Variants in TCERG1L observed in about 807,000 individuals in gnomAD.
The protein encoded by TCERG1L is transcription elongation regulator 1-like protein.
In TCERG1L, 37 loss-of-function variants were observed where a neutral mutation model predicts 56.3. The observed-to-expected ratio is 0.66, with a 90% CI of 0.51 to 0.87. TCERG1L has a LOEUF of 0.87. TCERG1L is among the 40% of genes least tolerant of loss of function. The pLI is 0.00. For missense variants in TCERG1L, 799 were observed against 774.2 expected (o/e 1.03, Z -0.38); for synonymous variants, 324 against 326.3 (o/e 0.99, Z 0.08).
intron 3 of TCERG1L, among the ~76,000 whole-genome samples, chr10:131,306,573 A>C (rs987664250): frequency 1.3e-5 from 2 of 152,146 alleles, no homozygotes; most frequent in African/African-American, 2.4e-5. Context: ...CCCATTCTCC[A>C]TGATGTGCTT....
At chr10:131,187,088 A>G (rs369061071) in intron 4 of TCERG1L, among the ~76,000 whole-genome samples, 6 of 152,274 alleles carry the variant, frequency 3.9e-5, no homozygotes, top group African/African-American at 1.4e-4. Context: ...CTGTACAACA[A>G]GGCAAGTCTG....
intron 6 of TCERG1L, among the ~76,000 whole-genome samples, chr10:131,153,370 C>T (rs1845884960): frequency 6.6e-6 from 1 of 152,124 alleles, no homozygotes; most frequent in South Asian, 2.1e-4. Context: ...TTCCCTTGCT[C>T]CTCTGCTGGG....
intron 4 of TCERG1L, among the ~76,000 whole-genome samples, chr10:131,218,866 C>A (rs1269074192): frequency 1.3e-5 from 2 of 152,146 alleles, no homozygotes; most frequent in African/African-American, 4.8e-5. Flanking sequence ...TCTGCGGAGG[C>A]CAGCCGTGCC....
At chr10:131,189,755 G>A (rs1378266323) in intron 4 of TCERG1L, among the ~76,000 whole-genome samples, 1 of 152,120 alleles carries the variant, frequency 6.6e-6, no homozygotes, top group Non-Finnish European at 1.5e-5. Flanking sequence ...AAATCTCCAT[G>A]CTGATTTTCA....
Position 131,260,272 on chromosome 10 carries a change from C to A in TCERG1L, c.843G>T (p.Thr281=). ...TLAPIKIPLR[T]SPVSDTRTER... is the part of the protein sequence containing the mutation. ...CTCCGAGCCTACCTGAGACGGGGGA[C>A]GTCCGGAGGGGTATTTTGATGGGTG... Residue 281 remains threonine, a synonymous_variant, in exon 4 of 12, where the codon ACG becomes ACT. Transcript: ENST00000368642. This position sits in a 1 kb window ranked among gnomAD's most constrained non-coding sequence, Gnocchi z 5.8. The A allele has an allele frequency of 1.5e-6, 2 of 1,368,652 alleles. No homozygotes were observed. The highest frequency in any genetic ancestry group is 1.9e-6 in the Non-Finnish European group (2 of 1,054,702). The allele number at this position is 1,368,652 out of a possible 1,614,324, so 84.8% of individuals were successfully genotyped here.
intron 4 of TCERG1L, among the ~76,000 whole-genome samples, chr10:131,188,553 C>G (rs1845270987): frequency 6.6e-6 from 1 of 152,186 alleles, no homozygotes; most frequent in Admixed American, 6.5e-5. Flanking sequence ...ATTTCCATTA[C>G]TCCTACATTC....
At chr10:131,108,959 C>T (rs573226145) in intron 9 of TCERG1L, among the ~76,000 whole-genome samples, 1 of 152,324 alleles carries the variant, frequency 6.6e-6, no homozygotes, top group South Asian at 2.1e-4. Flanking sequence ...AGAGAATCTC[C>T]CCCTGGCTAA....
chr10:131,231,587 C>T (rs1170605355), intron 4 of TCERG1L, among the ~76,000 whole-genome samples: 1 of 152,056 alleles, frequency 6.6e-6, no homozygotes, highest in Admixed American at 6.5e-5. Flanking sequence ...CAGAGGGGTT[C>T]GGAGCAGGGA....
At chr10:131,215,098 G>A (rs992828979) in intron 4 of TCERG1L, among the ~76,000 whole-genome samples, 8 of 152,152 alleles carry the variant, frequency 5.3e-5, no homozygotes, top group Admixed American at 3.3e-4. Context: ...TCGCTGTGAC[G>A]CACTCATACT....
chr10:131,158,791 G>C (rs913491579), intron 6 of TCERG1L, among the ~76,000 whole-genome samples: 2 of 152,242 alleles, frequency 1.3e-5, no homozygotes, highest in Non-Finnish European at 2.9e-5. Context: ...CCATCGCAGA[G>C]AGGATGCACC....
chr10:131,241,581 T>G (rs925700565), intron 4 of TCERG1L, among the ~76,000 whole-genome samples: 14 of 146,250 alleles, frequency 9.6e-5, no homozygotes, highest in African/African-American at 3.3e-4. Context: ...ATGAACACAG[T>G]GGATAGCGCA....
At chr10:131,298,228 G>A (rs1194915410) in intron 3 of TCERG1L, among the ~76,000 whole-genome samples, 1 of 149,132 alleles carries the variant, frequency 6.7e-6, no homozygotes, top group Non-Finnish European at 1.5e-5. Context: ...TTGTGATATT[G>A]ATTTTGATTT....
In TCERG1L at chr10:131,093,041, C is replaced by G. The variant is rs45583631; in HGVS notation, c.*121G>C. 7 of 977,876 alleles carry G rather than the reference C, an allele frequency of 7.2e-6. No individual in the cohort carries two copies. The highest frequency in any genetic ancestry group is 1.6e-5 in the African/African-American group (1 of 61,314). The allele number at this position is 977,876 out of a possible 1,614,324, so 60.6% of individuals were successfully genotyped here. On this transcript the variant is annotated 3_prime_UTR_variant, in exon 12 of 12. Coordinates refer to ENST00000368642, the MANE Select transcript of TCERG1L (RefSeq NM_174937.4). ...TCTGAGAACGAAGACCCCGCAGTGC[C>G]GGTGCCCGCTGGGCCGTGCAGGTCT...
At chr10:131,134,104 G>A (rs1845648961) in intron 8 of TCERG1L, among the ~76,000 whole-genome samples, 2 of 152,116 alleles carry the variant, frequency 1.3e-5, no homozygotes, top group Admixed American at 6.5e-5. Context: ...ACAGGACTCT[G>A]GAAACACAGC....
intron 3 of TCERG1L, among the ~76,000 whole-genome samples, chr10:131,296,048 C>T (rs1846686341): frequency 6.6e-6 from 1 of 151,850 alleles, no homozygotes; most frequent in Non-Finnish European, 1.5e-5. Flanking sequence ...CCACTGTGTG[C>T]CTTTTCTTTT....
At chr10:131,301,657 T>TA (rs200862117) in intron 3 of TCERG1L, among the ~76,000 whole-genome samples, 21 of 150,370 alleles carry the variant, frequency 1.4e-4, no homozygotes, top group South Asian at 6.3e-4. Flanking sequence ...GTCTGCTTTT[T>TA]AAAAAAAAAA....
chr10:131,241,169 C>T (rs1845967197), intron 4 of TCERG1L, among the ~76,000 whole-genome samples: 1 of 150,220 alleles, frequency 6.7e-6, no homozygotes, highest in South Asian at 2.1e-4. Context: ...GAGGAGCCGC[C>T]CGCACGCAGA....
At chr10:131,101,193 C>A (rs1845301102) in intron 10 of TCERG1L, among the ~76,000 whole-genome samples, 1 of 152,236 alleles carries the variant, frequency 6.6e-6, no homozygotes, top group Non-Finnish European at 1.5e-5. Context: ...GAAGGTCCAG[C>A]CTCACAGTGC....
At position 131,093,104 on chromosome 10, in the gene TCERG1L, C is replaced by T. The variant is rs1207304433; in HGVS notation, c.*58G>A. On this transcript the variant is annotated 3_prime_UTR_variant, in exon 12 of 12. Transcript: ENST00000368642. ...GCCCGTGTCCGTCTCCACCGTGACC[C>T]CCTCGCCCCCGGCACGCCCAGGGTC... 3.2e-5 allele frequency: 50 copies of T among 1,581,072 alleles called. 1 individual carries two copies. In the Admixed American group the frequency reaches 7.7e-4, roughly 24 times the overall value.
Sources: gnomAD v4.1 joint callset for allele counts (sites outside exome capture counted in the v4.1 genomes callset) on GRCh38, gnomAD v4.1.1 for gene constraint, Gnocchi (gnomAD v3.1) non-coding constraint, MANE v1.5 for transcripts, NCBI Gene and HGNC (gene_info 2026-07-23, HGNC 2026-07-21) for gene names.